The following TAFA5 variants were observed in gnomAD, a reference collection of about 807,000 sequenced individuals.
TAFA5 encodes the protein TAFA chemokine like family member 5.
Under a neutral mutation model 15.3 loss-of-function variants are expected in TAFA5, and 6 were observed. The ratio of observed to expected loss-of-function variants is 0.39; its 90% CI spans 0.21 to 0.77. TAFA5 has a LOEUF of 0.77. Ranked by LOEUF, TAFA5 falls within the 30% of genes least tolerant of loss-of-function variation. The pLI is 0.41. For missense variants in TAFA5, 161 were observed against 193.1 expected (o/e 0.83, Z 0.98); for synonymous variants, 103 against 80.7 (o/e 1.28, Z -1.48).
At chr22:48,645,025 TTCTAA>T (rs1480606426) in intron 1 of TAFA5, among the ~76,000 whole-genome samples, 1 of 152,212 alleles carries the variant, frequency 6.6e-6, no homozygotes, top group Non-Finnish European at 1.5e-5. Flanking sequence ...CCAAATTCTT[TTCTAA>T]CCGCCGTGGC....
chr22:48,517,418 C>G (rs879783355), intron 1 of TAFA5, among the ~76,000 whole-genome samples: 3 of 152,198 alleles, frequency 2.0e-5, no homozygotes, highest in Non-Finnish European at 4.4e-5. Flanking sequence ...TGACCCCCAC[C>G]ACCTCCTCCT....
Position 48,566,451 on chromosome 22 carries a change from T to C in TAFA5, c.112+76747T>C, listed in dbSNP as rs1477660306. On this transcript the variant is annotated intron_variant, in intron 1 of 3. Transcript: ENST00000402357. The surrounding 1 kb of genome is among the most constrained non-coding windows in gnomAD (Gnocchi z 4.5). ...GGTAGATGGGTGATGAATGATTGAT[T>C]GATGGAGGGATGGATGTTGGATGGG... is the stretch of plus-strand genomic sequence containing the variant. Among the ~76,000 whole-genome samples, 1 of 151,484 alleles carries C rather than the reference T, an allele frequency of 6.6e-6. No homozygotes were observed. Among genetic ancestry groups the C allele is most frequent in the East Asian group, 1.9e-4 (1 of 5,130 alleles).
chr22:48,747,169 C>T (rs956735180), intron 3 of TAFA5, among the ~76,000 whole-genome samples: 1 of 152,204 alleles, frequency 6.6e-6, no homozygotes, highest in African/African-American at 2.4e-5. Flanking sequence ...CTAAGGGGCC[C>T]TGGGACTGGA....
intron 2 of TAFA5, among the ~76,000 whole-genome samples, chr22:48,669,710 G>T (rs1358257724): frequency 6.6e-6 from 1 of 152,200 alleles, no homozygotes; most frequent in Non-Finnish European, 1.5e-5. Flanking sequence ...GGGCAAAGGG[G>T]CCATGGGAGG....
intron 2 of TAFA5, among the ~76,000 whole-genome samples, chr22:48,685,403 C>T (rs930668663): frequency 2.0e-5 from 3 of 152,204 alleles, no homozygotes; most frequent in Non-Finnish European, 2.9e-5. Context: ...TCACAAGAGA[C>T]GGCTTTGCAG....
At chr22:48,682,484 A>G (rs1928223860) in intron 2 of TAFA5, among the ~76,000 whole-genome samples, 1 of 152,224 alleles carries the variant, frequency 6.6e-6, no homozygotes, top group South Asian at 2.1e-4. Context: ...CCCACGTCCC[A>G]CAGGACCAGG....
intron 2 of TAFA5, 41 bp downstream of exon 2, chr22:48,646,787 G>A (rs113042733): frequency 2.0e-5 from 30 of 1,529,254 alleles, no homozygotes; most frequent in African/African-American, 6.8e-5. Flanking sequence ...GGTGCTGAGC[G>A]CGGCGTCACC....
chr22:48,607,527 A>G (rs1208715538), intron 1 of TAFA5, among the ~76,000 whole-genome samples: 1 of 129,824 alleles, frequency 7.7e-6, no homozygotes, highest in African/African-American at 3.2e-5. Flanking sequence ...CTCAGCCTGG[A>G]GCAGGTCTGT....
At chr22:48,652,705 C>T (rs1252992724) in intron 2 of TAFA5, among the ~76,000 whole-genome samples, 2 of 152,226 alleles carry the variant, frequency 1.3e-5, no homozygotes, top group African/African-American at 4.8e-5. Context: ...GTTTACTGGG[C>T]ACCCGCTCCC....
At chr22:48,720,583 G>T (rs1569093593) in intron 3 of TAFA5, among the ~76,000 whole-genome samples, 1 of 152,156 alleles carries the variant, frequency 6.6e-6, no homozygotes, top group African/African-American at 2.4e-5. Context: ...CCAGGACAGA[G>T]GGGTCCTGGG....
chr22:48,607,779 A>C (rs116238673), intron 1 of TAFA5, among the ~76,000 whole-genome samples: 19,254 of 151,932 alleles, frequency 0.13, 1,328 homozygotes, highest in African/African-American at 0.16. Context: ...GCAGACCCAA[A>C]GGAGAGTGGT....
In TAFA5 at chr22:48,747,112, G is replaced by A. The variant is rs148187201; in HGVS notation, c.391-2727G>A. Among the ~76,000 whole-genome samples the A allele has an allele frequency of 1.5e-4, 23 of 152,240 alleles. No homozygotes were observed. The East Asian group carries it at 3.3e-3, about 22-fold the overall frequency. On this transcript the variant is annotated intron_variant, in intron 3 of 3. Transcript: ENST00000402357. ...AGGCCACCATGGTGTCACCATTCCC[G>A]CCCGGCCCTGCCCTGCCCTAATGCA...
At chr22:48,536,357 C>T (rs549685012) in intron 1 of TAFA5, among the ~76,000 whole-genome samples, 2 of 152,316 alleles carry the variant, frequency 1.3e-5, no homozygotes, top group African/African-American at 4.8e-5. Context: ...GTCCTTTGTC[C>T]GCCAACAAGT....
At chr22:48,572,584 A>G (rs1191683993) in intron 1 of TAFA5, among the ~76,000 whole-genome samples, 3 of 151,826 alleles carry the variant, frequency 2.0e-5, no homozygotes, top group Non-Finnish European at 4.4e-5. Flanking sequence ...TGAGTTTTTC[A>G]CTCCAGAAGC....
intron 3 of TAFA5, among the ~76,000 whole-genome samples, chr22:48,729,733 ACAT>A (rs1225646355): frequency 6.8e-6 from 1 of 147,548 alleles, no homozygotes; most frequent in Non-Finnish European, 1.5e-5. Context: ...TAAATATAAA[ACAT>A]AAATATAAAT....
At chr22:48,577,358 A>G (rs918788357) in intron 1 of TAFA5, among the ~76,000 whole-genome samples, 2 of 152,300 alleles carry the variant, frequency 1.3e-5, no homozygotes, top group South Asian at 2.1e-4. Flanking sequence ...TTTCAGGGCC[A>G]GGCTCCCTTT....
intron 1 of TAFA5, among the ~76,000 whole-genome samples, chr22:48,628,953 G>A (rs1379935941): frequency 1.3e-5 from 2 of 152,172 alleles, no homozygotes; most frequent in African/African-American, 2.4e-5. Flanking sequence ...AAGAAGTGCA[G>A]AGCCGGGCGC....
At chr22:48,571,539 CTGGGATTACAGG>C (rs1214097890) in intron 1 of TAFA5, among the ~76,000 whole-genome samples, 1 of 123,180 alleles carries the variant, frequency 8.1e-6, no homozygotes, top group Non-Finnish European at 1.6e-5. Context: ...TCCCAAAGTG[CTGGGATTACAGG>C]CATGAGCCAC....
chr22:48,629,343 G>A (rs1050930778), intron 1 of TAFA5, among the ~76,000 whole-genome samples: 6 of 152,198 alleles, frequency 3.9e-5, no homozygotes, highest in Admixed American at 6.5e-5. Context: ...GCCCCTCCTC[G>A]TCCTGGCCTC....
Sources: allele counts gnomAD v4.1 joint callset (sites outside exome capture counted in the v4.1 genomes callset), GRCh38; gene constraint gnomAD v4.1.1; non-coding constraint Gnocchi (gnomAD v3.1); transcripts MANE v1.5; gene names NCBI Gene and HGNC (gene_info 2026-07-23, HGNC 2026-07-21).